SLC12A1: variants seen among roughly 807,000 people sequenced by gnomAD.
SLC12A1 encodes the protein Na-K-2Cl cotransporter.
Under a neutral mutation model 130.4 loss-of-function variants are expected in SLC12A1, and 89 were observed. The observed-to-expected ratio is 0.68, with a 90% CI of 0.58 to 0.81. The LOEUF is 0.81. Ranked by LOEUF, SLC12A1 falls within the 40% of genes least tolerant of loss-of-function variation. SLC12A1 has a pLI of 0.00. For missense variants in SLC12A1, 1,310 were observed against 1,336.4 expected, an observed-to-expected ratio of 0.98 and a Z score of 0.31; for synonymous variants, 499 against 460.0, an observed-to-expected ratio of 1.08 and a Z score of -1.09.
rs772301569 is a variant in SLC12A1, at chr15:48,301,328, T to G, written c.3110T>G (p.Val1037Gly). ...EAVKEKSYRQVRLNELLQEHS... is the reference protein window; with the variant it reads ...EAVKEKSYRQGRLNELLQEHS... ...TGTTGCCCACAGAGTTACCGCCAAG[T>G]TCGACTGAATGAACTCTTACAGGAG... The change falls in exon 26 of 27, where the codon GTT becomes GGT. Residue 1037 changes from valine to glycine, a missense_variant. Transcript: ENST00000380993. 1 of 1,601,068 alleles carries G rather than the reference T, an allele frequency of 6.2e-7. No individual in the cohort carries two copies. The highest frequency in any genetic ancestry group is 8.5e-7 in the Non-Finnish European group (1 of 1,173,250).
In SLC12A1 at chr15:48,291,247, CATAT is replaced by C. The variant is rs57727253; in HGVS notation, c.2874-518_2874-515del. On this transcript the variant is annotated intron_variant, in intron 23 of 26. Transcript: ENST00000380993. ...GAATTATCAGTTGCCAGGAAAAAAC[CATAT>C]ATATATATATATGTGAGGTTTTATA... Among the ~76,000 whole-genome samples, 809 of 147,312 alleles carry C rather than the reference CATAT, an allele frequency of 5.5e-3. 8 individuals are homozygous for C. Among genetic ancestry groups the C allele is most frequent in the Middle Eastern group, 0.047 (13 of 276 alleles).
At position 48,301,502 on chromosome 15, in the gene SLC12A1, T is replaced by TTTG. The variant is rs370756380; in HGVS notation, c.3164+120_3164+121insTTG. On this transcript the variant is annotated intron_variant, in intron 26 of 26. Transcript: ENST00000380993. The stretch of plus-strand genomic sequence containing the variant: ...TTTTGTTTTGTTTTTGTGTTTTTTT[T>TTTG]GGGGGGGGGAACACGTGGGATTCTT... The TTTG allele has an allele frequency of 1.8e-5, 8 of 439,810 alleles. No homozygotes were observed. The South Asian group carries it at 2.5e-4, about 14-fold the overall frequency. 27.2% of individuals were successfully genotyped at this position (439,810 alleles called of 1,614,324 possible).
At chr15:48,284,976 G>GA in intron 20 of SLC12A1, 130 bp from the exon 21 acceptor site, 2 of 630,990 alleles carry the variant, frequency 3.2e-6, no homozygotes, top group East Asian at 3.3e-5. Flanking sequence ...AAATCATTTA[G>GA]AAAAAATTAC....
chr15:48,236,962 C>T, intron 9 of SLC12A1: 1 of 694,294 alleles, frequency 1.4e-6, no homozygotes, highest in Non-Finnish European at 2.6e-6. Context: ...TTAGCTGGCC[C>T]TCACTGAGTG....
At chr15:48,248,695 C>T (rs2141060255) in intron 13 of SLC12A1, among the ~76,000 whole-genome samples, 1 of 152,290 alleles carries the variant, frequency 6.6e-6, no homozygotes, top group Admixed American at 6.5e-5. Flanking sequence ...CTTACATTGC[C>T]CAGTAAAAAA....
At chr15:48,251,558 T>C in intron 14 of SLC12A1, 57 bp from the exon 15 acceptor site, 1 of 1,372,744 alleles carries the variant, frequency 7.3e-7, no homozygotes, top group Non-Finnish European at 1.0e-6. Flanking sequence ...TCTTCTAATA[T>C]TCAGTGCCAT....
chr15:48,216,058 T>G (rs965467929), intron 2 of SLC12A1, among the ~76,000 whole-genome samples: 19 of 152,042 alleles, frequency 1.2e-4, no homozygotes, highest in South Asian at 2.1e-4. Flanking sequence ...ACATTTGGGG[T>G]TTTTTTCCCC....
chr15:48,232,802 A>G lies in SLC12A1; in HGVS notation c.1051A>G (p.Asn351Asp), dbSNP rs1370906246. 30 of 1,612,522 alleles carry G rather than the reference A, an allele frequency of 1.9e-5. No individual in the cohort carries two copies. The highest frequency in any genetic ancestry group is 2.5e-5 in the Non-Finnish European group (30 of 1,178,684). ...FFIGTVIPSN[N>D]EKKSRGFFNY... The stretch of plus-strand genomic sequence containing the variant: ...CATTGGAACTGTCATTCCATCCAAC[A>G]ATGAGAAAAAGTCCAGAGGTTTCTT... Residue 351 changes from asparagine to aspartate, a missense_variant, in exon 8 of 27, where the codon AAT becomes GAT. By Grantham distance (23) the Asn-to-Asp change is conservative. Coordinates refer to ENST00000380993, the MANE Select transcript of SLC12A1 (RefSeq NM_000338.3).
chr15:48,241,088 C>A (rs901075541), intron 9 of SLC12A1, among the ~76,000 whole-genome samples: 1 of 152,000 alleles, frequency 6.6e-6, no homozygotes, highest in Admixed American at 6.6e-5. Context: ...TTTTTAAAGG[C>A]AAGCTTAAGC....
At chr15:48,229,449 G>A in intron 6 of SLC12A1, 121 bp downstream of exon 6, 1 of 963,466 alleles carries the variant, frequency 1.0e-6, no homozygotes, top group Non-Finnish European at 1.5e-6. Context: ...TATAGTGGAA[G>A]GAGCCTGGGC....
At chr15:48,275,773 A>G (rs902189291) in intron 20 of SLC12A1, among the ~76,000 whole-genome samples, 1 of 152,242 alleles carries the variant, frequency 6.6e-6, no homozygotes, top group African/African-American at 2.4e-5. Flanking sequence ...TGGGGCTGCC[A>G]CTATAAGGAG....
At chr15:48,287,241 T>C (rs543824019) in intron 21 of SLC12A1, among the ~76,000 whole-genome samples, 2 of 152,330 alleles carry the variant, frequency 1.3e-5, no homozygotes, top group South Asian at 4.1e-4. Context: ...CCGAGTTCCC[T>C]GGTACACTTT....
rs1247535035 is a variant in SLC12A1 at position 48,240,094 on chromosome 15, T to G, written c.1216-1421T>G. 5.1e-5 allele frequency among the ~76,000 whole-genome samples: 4 copies of G among 78,742 alleles called. 1 individual carries two copies. The highest frequency in any genetic ancestry group is 2.5e-4 in the Admixed American group (2 of 7,846). The allele number at this position is 78,742 out of a possible 152,430, so 51.7% of individuals were successfully genotyped here. A position where few individuals can be genotyped will look rare whatever the true frequency, so the allele number is the denominator to read the frequency against. On this transcript the variant is annotated intron_variant, in intron 9 of 26. Coordinates refer to ENST00000380993, the MANE Select transcript of SLC12A1 (RefSeq NM_000338.3). The stretch of plus-strand genomic sequence containing the variant: ...ATCCATATATATATATATATATCCA[T>G]ATATATATATATATATCCATATATA...
At chr15:48,238,672 G>A (rs776754777) in intron 9 of SLC12A1, among the ~76,000 whole-genome samples, 42 of 152,254 alleles carry the variant, frequency 2.8e-4, no homozygotes, top group South Asian at 8.3e-4. Flanking sequence ...CTCTTTGAAA[G>A]TGAACCTAGA....
At chr15:48,276,417 T>C (rs1394513922) in intron 20 of SLC12A1, among the ~76,000 whole-genome samples, 1 of 152,174 alleles carries the variant, frequency 6.6e-6, no homozygotes, top group Non-Finnish European at 1.5e-5. Flanking sequence ...AGACAGGGTC[T>C]TTAAAGAGGT....
At position 48,269,695 on chromosome 15, in the gene SLC12A1, T is replaced by C. The variant is rs746832905; in HGVS notation, c.2333T>C (p.Val778Ala). ...GGAAGAATGAAACCAAACACTCTGGTGATTGGATATAAGAAAAACTGGAGG... is the reference window on the plus strand; with the variant it reads ...GGAAGAATGAAACCAAACACTCTGGCGATTGGATATAAGAAAAACTGGAGG... ...GLGRMKPNTL[V>A]IGYKKNWRKA... Residue 778 changes from valine (V) to alanine (A), a missense_variant, in exon 19 of 27, where the codon GTG (valine) becomes GCG (alanine). Transcript: ENST00000380993. 3 of 1,612,044 alleles carry C rather than the reference T, an allele frequency of 1.9e-6. No individual in the cohort carries two copies. Among genetic ancestry groups the C allele is most frequent in the East Asian group, 4.5e-5 (2 of 44,832 alleles).
intron 4 of SLC12A1, chr15:48,224,576 A>G (rs1228401184): frequency 1.3e-5 from 2 of 152,204 alleles, no homozygotes; most frequent in Non-Finnish European, 2.9e-5. Flanking sequence ...GGAATGGAAG[A>G]TAAGAGCTTG....
At chr15:48,279,979 T>C (rs918191381) in intron 20 of SLC12A1, among the ~76,000 whole-genome samples, 1 of 152,154 alleles carries the variant, frequency 6.6e-6, no homozygotes, top group Non-Finnish European at 1.5e-5. Flanking sequence ...TTGAGTTGAT[T>C]GACCAAGGAA....
chr15:48,232,888 T>C, intron 8 of SLC12A1, 50 bp downstream of exon 8: 1 of 1,089,650 alleles, frequency 9.2e-7, no homozygotes. Flanking sequence ...TCCATTGCCC[T>C]CCTCATCACC....
Sources: gnomAD v4.1 joint callset for allele counts (sites outside exome capture counted in the v4.1 genomes callset) on GRCh38, gnomAD v4.1.1 for gene constraint, MANE v1.5 for transcripts, NCBI Gene and HGNC (gene_info 2026-07-23, HGNC 2026-07-21) for gene names.